The following AUTS2 variants were observed in gnomAD, a reference collection of about 807,000 sequenced individuals.
AUTS2 encodes activator of transcription and developmental regulator AUTS2.
In AUTS2, 17 loss-of-function variants were observed where a neutral mutation model predicts 112.4. The observed-to-expected ratio is 0.15, with a 90% CI of 0.10 to 0.23. The LOEUF is 0.23. Among genes scored for constraint, AUTS2 ranks in the 10% least tolerant of loss-of-function variants. The pLI, the probability that AUTS2 is intolerant of heterozygous loss-of-function variation, is 1.00. For synonymous variants in AUTS2, 751 were observed against 702.7 expected (o/e 1.07, Z -1.09); for missense variants, 1,510 against 1,701.6 (o/e 0.89, Z 1.98).
intron 5 of AUTS2, among the ~76,000 whole-genome samples, chr7:70,547,132 C>T (rs1800821228): frequency 6.6e-6 from 1 of 152,060 alleles, no homozygotes; most frequent in South Asian, 2.1e-4. Context: ...CAGTAAAATC[C>T]CTCATGCCCA....
At chr7:69,876,968 A>G (rs573879780) in intron 1 of AUTS2, among the ~76,000 whole-genome samples, 2 of 152,286 alleles carry the variant, frequency 1.3e-5, no homozygotes, top group East Asian at 1.9e-4. Context: ...TTGGTTGCCC[A>G]CTGATTAGCT....
intron 2 of AUTS2, among the ~76,000 whole-genome samples, chr7:70,089,141 C>T (rs184588548): frequency 1.1e-4 from 16 of 152,154 alleles, no homozygotes; most frequent in East Asian, 1.9e-4. Context: ...ATATCCTTCT[C>T]GATTGTCTAT....
intron 2 of AUTS2, among the ~76,000 whole-genome samples, chr7:69,912,616 T>C (rs1223055444): frequency 1.3e-5 from 2 of 152,198 alleles, no homozygotes; most frequent in Non-Finnish European, 2.9e-5. Flanking sequence ...AAAAACCGTT[T>C]TCATGGTCAT....
chr7:70,093,537 A>C (rs1316756941), intron 2 of AUTS2, among the ~76,000 whole-genome samples: 2 of 152,210 alleles, frequency 1.3e-5, no homozygotes, highest in Non-Finnish European at 2.9e-5. Context: ...GAAATTATCC[A>C]CAGTGGATAC....
At chr7:69,827,330 A>G (rs552803602) in intron 1 of AUTS2, among the ~76,000 whole-genome samples, 1 of 152,160 alleles carries the variant, frequency 6.6e-6, no homozygotes, top group Non-Finnish European at 1.5e-5. Flanking sequence ...AACTCAGGAA[A>G]GTGGTTTTTG....
intron 4 of AUTS2, among the ~76,000 whole-genome samples, chr7:70,340,399 G>A (rs1320853834): frequency 6.6e-6 from 1 of 152,020 alleles, no homozygotes; most frequent in Non-Finnish European, 1.5e-5. Context: ...TTCTGAAACT[G>A]TTAACTGAAA....
chr7:69,643,631 C>T (rs1030034619), intron 1 of AUTS2, among the ~76,000 whole-genome samples: 1 of 152,050 alleles, frequency 6.6e-6, no homozygotes, highest in African/African-American at 2.4e-5. Context: ...TTCTTCTGCC[C>T]GCCAACCCCC....
chr7:69,635,950 T>C (rs1284106286), intron 1 of AUTS2, among the ~76,000 whole-genome samples: 1 of 152,226 alleles, frequency 6.6e-6, no homozygotes, highest in African/African-American at 2.4e-5. Context: ...GCCCATACAG[T>C]GTGTACATGG....
intron 10 of AUTS2, among the ~76,000 whole-genome samples, chr7:70,770,307 G>A (rs1255550907): frequency 6.6e-6 from 1 of 152,186 alleles, no homozygotes; most frequent in Non-Finnish European, 1.5e-5. Flanking sequence ...CATCATTGAA[G>A]GGAGCAAAAT....
intron 4 of AUTS2, among the ~76,000 whole-genome samples, chr7:70,248,070 A>G (rs1182868712): frequency 6.6e-6 from 1 of 152,182 alleles, no homozygotes; most frequent in Admixed American, 6.5e-5. Context: ...GTTAAACACA[A>G]ATTGATTATG....
chr7:69,641,431 T>G (rs1794792696), intron 1 of AUTS2, among the ~76,000 whole-genome samples: 1 of 150,324 alleles, frequency 6.7e-6, no homozygotes, highest in South Asian at 2.1e-4. Flanking sequence ...GTCATAGGCC[T>G]TATCATAATC....
intron 2 of AUTS2, 149 bp from the exon 3 acceptor site, chr7:70,117,983 C>T (rs1249814816): frequency 1.2e-5 from 12 of 1,001,436 alleles, no homozygotes; most frequent in East Asian, 3.3e-5. Context: ...CTCCTAACCT[C>T]GTGATCCTCC....
chr7:69,927,744 C>T (rs566873958), intron 2 of AUTS2, among the ~76,000 whole-genome samples: 7 of 152,340 alleles, frequency 4.6e-5, no homozygotes, highest in African/African-American at 1.4e-4. Context: ...TCCAGGTGCC[C>T]GCACAGGTAC....
At chr7:69,605,695 C>T (rs754370530) in intron 1 of AUTS2, among the ~76,000 whole-genome samples, 2 of 152,178 alleles carry the variant, frequency 1.3e-5, no homozygotes, top group East Asian at 1.9e-4. Context: ...TTTGCTGTTA[C>T]ATAGCCAGGA....
intron 1 of AUTS2, among the ~76,000 whole-genome samples, chr7:69,637,068 C>A (rs1583985176): frequency 6.6e-6 from 1 of 152,076 alleles, no homozygotes; most frequent in South Asian, 2.1e-4. Context: ...CCCGGCCTGT[C>A]CTATAACATT....
chr7:70,610,102 C>G (rs1396774776), intron 5 of AUTS2, among the ~76,000 whole-genome samples: 1 of 152,042 alleles, frequency 6.6e-6, no homozygotes, highest in Non-Finnish European at 1.5e-5. Context: ...TGGGTTAAAG[C>G]GATGCTCTTG....
At chr7:70,675,394 G>T (rs1807859247) in intron 5 of AUTS2, among the ~76,000 whole-genome samples, 1 of 152,194 alleles carries the variant, frequency 6.6e-6, no homozygotes, top group East Asian at 1.9e-4. Flanking sequence ...TCAGGAGGCT[G>T]AGGCAGGAGA....
At chr7:69,811,014 A>G (rs972493657) in intron 1 of AUTS2, among the ~76,000 whole-genome samples, 2 of 152,350 alleles carry the variant, frequency 1.3e-5, no homozygotes, top group African/African-American at 4.8e-5. Flanking sequence ...AAAGAAGATC[A>G]TGAATGCTGC....
At chr7:70,311,572 T>TTTTTG (rs374885252) in intron 4 of AUTS2, among the ~76,000 whole-genome samples, 65 of 152,296 alleles carry the variant, frequency 4.3e-4, no homozygotes, top group African/African-American at 1.5e-3. Flanking sequence ...TTTGTTTTGT[T>TTTTTG]TTTTGTTACA....
Sources: allele counts gnomAD v4.1 joint callset (sites outside exome capture counted in the v4.1 genomes callset), GRCh38; gene constraint gnomAD v4.1.1; transcripts MANE v1.5; gene names NCBI Gene and HGNC (gene_info 2026-07-23, HGNC 2026-07-21).